NALCN: variants seen among roughly 807,000 people sequenced by gnomAD.
NALCN encodes the protein sodium leak channel NALCN.
NALCN carries 111 observed loss-of-function variants against 225.3 expected under a neutral mutation model. The observed-to-expected ratio is 0.49, with a 90% CI of 0.42 to 0.58. The LOEUF is 0.58. NALCN is among the 20% of genes least tolerant of loss of function. The probability of loss-of-function intolerance (pLI) is 0.00; values close to 1 mark genes in which losing one functional copy is unlikely to be tolerated. For missense variants in NALCN, 1,378 were observed against 2,202.4 expected (o/e 0.63, Z 7.49); for synonymous variants, 764 against 769.0 (o/e 0.99, Z 0.11).
chr13:101,352,688 A>G (rs940675802), intron 6 of NALCN, among the ~76,000 whole-genome samples: 5 of 152,204 alleles, frequency 3.3e-5, no homozygotes, highest in Non-Finnish European at 7.3e-5. Flanking sequence ...AACTGTTCCT[A>G]GTAGGTGAGA....
Position 101,176,294 on chromosome 13 carries a change from A to G in NALCN, c.1839+6T>C. 1.3e-6 allele frequency: 2 copies of G among 1,569,334 alleles called. No homozygotes were observed. Among genetic ancestry groups the G allele is most frequent in the African/African-American group, 1.4e-5 (1 of 72,220 alleles). On this transcript the variant is annotated splice_donor_region_variant and intron_variant, in intron 15 of 43. Transcript: ENST00000251127. Reference sequence around the variant, plus strand: ...TTTTAAAAAAAATCCCCCACACACTACTTACTTGTTTAAGCTTCTTTAGGT... The same window carrying G: ...TTTTAAAAAAAATCCCCCACACACTGCTTACTTGTTTAAGCTTCTTTAGGT...
At chr13:101,322,514 C>A (rs2044779909) in intron 7 of NALCN, among the ~76,000 whole-genome samples, 1 of 152,090 alleles carries the variant, frequency 6.6e-6, no homozygotes, top group Non-Finnish European at 1.5e-5. Context: ...AACAGACTAT[C>A]AAAGAAATCA....
At chr13:101,279,152 T>C (rs1166291571) in intron 10 of NALCN, among the ~76,000 whole-genome samples, 2 of 152,094 alleles carry the variant, frequency 1.3e-5, no homozygotes, top group Admixed American at 1.3e-4. Flanking sequence ...ATTAAAATTA[T>C]GACAGACATA....
intron 6 of NALCN, among the ~76,000 whole-genome samples, chr13:101,354,420 G>A (rs1009561500): frequency 6.6e-6 from 1 of 152,248 alleles, no homozygotes; most frequent in Non-Finnish European, 1.5e-5. Flanking sequence ...ATGTGAAACC[G>A]TTTGAGGTTA....
Position 101,392,131 on chromosome 13 carries a change from T to C in NALCN, c.291+3052A>G, listed in dbSNP as rs1373277681. Among the ~76,000 whole-genome samples the C allele has an allele frequency of 2.0e-5, 3 of 152,146 alleles. No homozygotes were observed. The East Asian group carries it at 5.8e-4, about 29-fold the overall frequency. ...AGGACCAGATGATTTCACCGGGAAC[T>C]GATACCAAACTTTTAAAGTGAAAAC... is the stretch of plus-strand genomic sequence containing the variant. On this transcript the variant is annotated intron_variant, in intron 3 of 43. Transcript: ENST00000251127.
chr13:101,410,407 A>C (rs904571198), intron 1 of NALCN, among the ~76,000 whole-genome samples: 1 of 152,234 alleles, frequency 6.6e-6, no homozygotes, highest in African/African-American at 2.4e-5. Flanking sequence ...TCTAATTATA[A>C]GCAACACAGG....
chr13:101,172,125 C>A (rs1416568492), intron 15 of NALCN, among the ~76,000 whole-genome samples: 1 of 152,170 alleles, frequency 6.6e-6, no homozygotes, highest in East Asian at 1.9e-4. Flanking sequence ...CTAGAAACCA[C>A]CTCTGATGCA....
chr13:101,346,833 C>T (rs760972678), intron 6 of NALCN, among the ~76,000 whole-genome samples: 18 of 152,056 alleles, frequency 1.2e-4, no homozygotes, highest in African/African-American at 2.9e-4. Context: ...ATTGAGCAGA[C>T]GCCAAAGTCT....
chr13:101,401,150 G>A (rs73566006), intron 1 of NALCN, among the ~76,000 whole-genome samples: 1 of 152,132 alleles, frequency 6.6e-6, no homozygotes, highest in Non-Finnish European at 1.5e-5. Context: ...GACATGCTGG[G>A]TATTTCCAGG....
intron 6 of NALCN, among the ~76,000 whole-genome samples, chr13:101,360,991 T>C (rs1357724260): frequency 4.6e-5 from 7 of 152,202 alleles, no homozygotes; most frequent in Non-Finnish European, 8.8e-5. Context: ...TGGAGTTTAA[T>C]TGCAAAACTA....
At chr13:101,162,217 A>T (rs2038221638) in intron 15 of NALCN, among the ~76,000 whole-genome samples, 1 of 152,178 alleles carries the variant, frequency 6.6e-6, no homozygotes, top group African/African-American at 2.4e-5. Flanking sequence ...ATCTTTACAC[A>T]GTTAGGAATT....
intron 7 of NALCN, among the ~76,000 whole-genome samples, chr13:101,293,702 G>C (rs1373577686): frequency 6.6e-6 from 1 of 152,098 alleles, no homozygotes; most frequent in Non-Finnish European, 1.5e-5. Context: ...AAACACCAAG[G>C]CATGCAGAAC....
intron 17 of NALCN, among the ~76,000 whole-genome samples, chr13:101,137,595 G>A (rs535904262): frequency 6.6e-5 from 10 of 152,202 alleles, no homozygotes; most frequent in South Asian, 2.1e-4. Flanking sequence ...CGAAGACACC[G>A]TGTAGACAAT....
Position 101,104,509 on chromosome 13 carries a change from T to C in NALCN, c.2757+21A>G, listed in dbSNP as rs2034995238. 6.2e-7 allele frequency: 1 copy of C among 1,613,642 alleles called. No homozygotes were observed. Among genetic ancestry groups the C allele is most frequent in the Non-Finnish European group, 8.5e-7 (1 of 1,179,820 alleles). On this transcript the variant is annotated intron_variant, in intron 24 of 43. Coordinates refer to ENST00000251127, the MANE Select transcript of NALCN (RefSeq NM_052867.4). This position sits in a 1 kb window ranked among gnomAD's most constrained non-coding sequence, Gnocchi z 4.2. ...TTTACCTCCTAGTTGTAAGCTGAGATTTTGCAGCGGTAAGCGGTACCTGCA... is the reference window on the plus strand; with the variant it reads ...TTTACCTCCTAGTTGTAAGCTGAGACTTTGCAGCGGTAAGCGGTACCTGCA...
chr13:101,388,346 A>C (rs539610955), intron 3 of NALCN, among the ~76,000 whole-genome samples: 1 of 152,296 alleles, frequency 6.6e-6, no homozygotes, highest in South Asian at 2.1e-4. Flanking sequence ...GTTGTATTTG[A>C]TCCAATTATT....
chr13:101,385,866 C>T (rs1423570234), intron 3 of NALCN, among the ~76,000 whole-genome samples: 1 of 152,170 alleles, frequency 6.6e-6, no homozygotes, highest in African/African-American at 2.4e-5. Flanking sequence ...ATTCAGCATG[C>T]ATCTTCTAAT....
intron 13 of NALCN, among the ~76,000 whole-genome samples, chr13:101,201,209 T>C (rs2140040192): frequency 6.6e-6 from 1 of 152,298 alleles, no homozygotes; most frequent in Admixed American, 6.5e-5. Context: ...TACCATAAAG[T>C]TCACCTTTTA....
rs143530479 is a variant in NALCN, at chr13:101,370,782, T to A, written c.644+5918A>T. Among the ~76,000 whole-genome samples the A allele has an allele frequency of 4.5e-3, 679 of 152,324 alleles. 7 individuals carry two copies. The highest frequency in any genetic ancestry group is 0.015 in the African/African-American group (621 of 41,584). ...TTCAGTGGGTGTAACTGACATAACA[T>A]AAACTGCACATACGAAAGTGTACAG... On this transcript the variant is annotated intron_variant, in intron 6 of 43. Coordinates refer to ENST00000251127, the MANE Select transcript of NALCN (RefSeq NM_052867.4).
intron 6 of NALCN, among the ~76,000 whole-genome samples, chr13:101,355,767 C>A (rs570243181): frequency 1.2e-4 from 18 of 152,296 alleles, no homozygotes; most frequent in African/African-American, 4.3e-4. Context: ...TGCGACATGG[C>A]ACTTATTCTA....
Sources: gnomAD v4.1 joint callset for allele counts (sites outside exome capture counted in the v4.1 genomes callset) on GRCh38, gnomAD v4.1.1 for gene constraint, Gnocchi (gnomAD v3.1) non-coding constraint, MANE v1.5 for transcripts, NCBI Gene and HGNC (gene_info 2026-07-23, HGNC 2026-07-21) for gene names.